SSBP4: variants seen among roughly 807,000 people sequenced by gnomAD.
SSBP4 encodes single stranded DNA binding protein 4.
Under a neutral mutation model 64.6 loss-of-function variants are expected in SSBP4, and 33 were observed. The ratio of observed to expected loss-of-function variants is 0.51; its 90% CI spans 0.39 to 0.68. SSBP4 has a LOEUF of 0.68. Among genes scored for constraint, SSBP4 ranks in the 30% least tolerant of loss-of-function variants. The pLI is 0.00. For synonymous variants in SSBP4, 243 were observed against 224.0 expected (o/e 1.08, Z -0.76); for missense variants, 583 against 566.8 (o/e 1.03, Z -0.29).
chr19:18,427,804 C>A lies in SSBP4; in HGVS notation c.185C>A (p.Ser62Tyr), dbSNP rs745755707. The A allele has an allele frequency of 6.2e-7, 1 of 1,609,902 alleles. No individual in the cohort carries two copies. The highest frequency in any genetic ancestry group is 1.1e-5 in the South Asian group (1 of 90,984). The change falls in exon 3 of 18, where the codon TCC becomes TAC. Residue 62 changes from serine (S) to tyrosine (Y), a missense_variant. Transcript: ENST00000270061. This position sits in a 1 kb window ranked among gnomAD's most constrained non-coding sequence, Gnocchi z 4.4. ...GGGGAGCCCCCTGGGTTCCTGCACT[C>A]CTGGTGGTGGTACGGGCTGGGCTGC... ...TLGEPPGFLH[S>Y]WWCVFWDLYC...
At chr19:18,402,741 A>G in the SSBP4 span, among the ~76,000 whole-genome samples, 9 of 152,106 alleles carry the variant, frequency 5.9e-5, no homozygotes, top group African/African-American at 2.2e-4. Flanking sequence ...TTCTCGAGTA[A>G]CCAGGGGCAC....
Position 18,423,710 on chromosome 19 carries a change from G to A in SSBP4, c.60-3641G>A, listed in dbSNP as rs1972621298. On this transcript the variant is annotated intron_variant, in intron 1 of 17. Coordinates refer to ENST00000270061, the MANE Select transcript of SSBP4 (RefSeq NM_032627.5). The surrounding 1 kb of genome is among the most constrained non-coding windows in gnomAD (Gnocchi z 4.0). ...CCTGCACAGCCTCATGCTCGCTCCA[G>A]GTCCAGGCGCCCCATGTCCTCCGAG... Among the ~76,000 whole-genome samples, 1 of 152,184 alleles carries A rather than the reference G, an allele frequency of 6.6e-6. No homozygotes were observed. Among genetic ancestry groups the A allele is most frequent in the African/African-American group, 2.4e-5 (1 of 41,444 alleles).
chr19:18,430,292 C>G (rs1973244666), intron 4 of SSBP4, among the ~76,000 whole-genome samples: 1 of 152,188 alleles, frequency 6.6e-6, no homozygotes. Flanking sequence ...GGTCCCCGGC[C>G]AGGTCTGGGC....
chr19:18,419,454 G>A lies in SSBP4; in HGVS notation c.-195G>A, dbSNP rs1453315709. ...GAGGAAAAAAAGCCACCCTGCGGCC[G>A]GGGCCGGAGCTGGAGCCGCCGCTGC... On this transcript the variant is annotated 5_prime_UTR_variant, in exon 1 of 18. Transcript: ENST00000270061. 29 of 1,063,328 alleles carry A rather than the reference G, an allele frequency of 2.7e-5. No individual in the cohort carries two copies. Among genetic ancestry groups the A allele is most frequent in the African/African-American group, 3.4e-5 (2 of 58,650 alleles). 65.9% of individuals were successfully genotyped at this position (1,063,328 alleles called of 1,614,324 possible).
Position 18,431,656 on chromosome 19 carries a change from T to A in SSBP4, c.445T>A (p.Ser149Thr). 1 of 1,551,550 alleles carries A rather than the reference T, an allele frequency of 6.4e-7. No individual in the cohort carries two copies. The highest frequency in any genetic ancestry group is 8.7e-7 in the Non-Finnish European group (1 of 1,148,080). The change falls in exon 7 of 18, where the codon TCA (serine) becomes ACA (threonine). Residue 149 changes from serine (S) to threonine (T), a missense_variant. Transcript: ENST00000270061. ...MMGPHGQPFM[S>T]PRFPGGPRPT... ...CGCCCACCTCTTCCAGCCCTTCATGTCACCGCGCTTCCCAGGGGGCCCCCG... is the reference window on the plus strand; with the variant it reads ...CGCCCACCTCTTCCAGCCCTTCATGACACCGCGCTTCCCAGGGGGCCCCCG...
intron 4 of SSBP4, 74 bp downstream of exon 4, chr19:18,428,056 T>TGGGGGGCGGGGGGGGGGGGGGGGGGGGG: frequency 2.7e-5 from 12 of 444,248 alleles, no homozygotes; most frequent in East Asian, 4.7e-5. Context: ...GGAGGTGGGG[T>TGGGGGGCGGGGGGGGGGGGGGGGGGGGG]GGGGGGCTGC....
At position 18,432,890 on chromosome 19, in the gene SSBP4, C is replaced by G; in HGVS notation, c.841+7C>G. 6.2e-7 allele frequency: 1 copy of G among 1,613,996 alleles called. No homozygotes were observed. The highest frequency in any genetic ancestry group is 8.5e-7 in the Non-Finnish European group (1 of 1,179,972). On this transcript the variant is annotated splice_region_variant and intron_variant, in intron 13 of 17. Transcript: ENST00000270061. ...ATCATGCCTAGCCCTGGAGGTATGG[C>G]CTAGTAAGAGGTGGGGGTGTGCTAG...
At chr19:18,417,985 C>T (rs1160257584), upstream of SSBP4, among the ~76,000 whole-genome samples, 7 of 152,278 alleles carry the variant, frequency 4.6e-5, no homozygotes, top group Admixed American at 2.0e-4. This position sits in a 1 kb window ranked among gnomAD's most constrained non-coding sequence, Gnocchi z 5.4. Flanking sequence ...AACACACACA[C>T]GAAACGTGAG....
intron 13 of SSBP4, 26 bp from the exon 14 acceptor site, chr19:18,432,947 C>G: frequency 2.5e-6 from 4 of 1,614,100 alleles, no homozygotes; most frequent in Admixed American, 1.7e-5. Context: ...CCCCGTCACA[C>G]CTGGCACCCT....
the SSBP4 span, among the ~76,000 whole-genome samples, chr19:18,408,106 A>G: frequency 6.6e-6 from 1 of 152,190 alleles, no homozygotes; most frequent in South Asian, 2.1e-4. Context: ...TGGGGAAATA[A>G]AACGTGGCAT....
rs202218305 is a variant in SSBP4 at position 18,434,240 on chromosome 19, C to T, written c.1152C>T (p.Ser384=). The T allele has an allele frequency of 1.9e-6, 3 of 1,611,756 alleles. No individual in the cohort carries two copies. The highest frequency in any genetic ancestry group is 2.2e-5 in the East Asian group (1 of 44,782). ...AGTACTCGCCAGGGATGACCATGAG[C>T]GTGTGATGGGGCGGCAGCCCCGGGC... The part of the protein sequence containing the change: ...SESYSPGMTM[S]V The change falls in exon 18 of 18, where the codon AGC becomes AGT. Residue 384 remains serine, a synonymous_variant. Coordinates refer to ENST00000270061, the MANE Select transcript of SSBP4 (RefSeq NM_032627.5).
the SSBP4 span, among the ~76,000 whole-genome samples, chr19:18,410,278 G>A: frequency 6.6e-6 from 1 of 151,900 alleles, no homozygotes; most frequent in Non-Finnish European, 1.5e-5. Flanking sequence ...TTACAGGCGT[G>A]AGCCACCCCG....
intron 4 of SSBP4, among the ~76,000 whole-genome samples, chr19:18,429,732 G>T (rs1216901426): frequency 6.6e-6 from 1 of 152,168 alleles, no homozygotes; most frequent in Non-Finnish European, 1.5e-5. Context: ...CAGGAGTAGG[G>T]CACGAGGGCT....
the SSBP4 span, among the ~76,000 whole-genome samples, chr19:18,411,147 A>G: frequency 6.6e-6 from 1 of 152,076 alleles, no homozygotes; most frequent in Non-Finnish European, 1.5e-5. Context: ...TCCTGCCCGC[A>G]TGGAGCTCAA....
chr19:18,418,428 G>C (rs1184148265), upstream of SSBP4, among the ~76,000 whole-genome samples: 1 of 152,198 alleles, frequency 6.6e-6, no homozygotes, highest in African/African-American at 2.4e-5. This position sits in a 1 kb window ranked among gnomAD's most constrained non-coding sequence, Gnocchi z 6.7. Context: ...CACCCCTGGT[G>C]GGGGGATGAA....
At chr19:18,434,106 G>A in intron 17 of SSBP4, 111 bp from the exon 18 acceptor site, 8 of 1,467,320 alleles carry the variant, frequency 5.5e-6, no homozygotes, top group Non-Finnish European at 7.2e-6. Context: ...CCCACCCCAT[G>A]TCTGCCCAGG....
In SSBP4 at chr19:18,431,661, G is replaced by A. The variant is rs750575992; in HGVS notation, c.450G>A (p.Pro150=). ...MGPHGQPFMS[P]RFPGGPRPTL... is the part of the protein sequence containing the mutation. ...ACCTCTTCCAGCCCTTCATGTCACC[G>A]CGCTTCCCAGGGGGCCCCCGGCCCA... is the stretch of plus-strand genomic sequence containing the variant. Residue 150 remains proline (P), a synonymous_variant, in exon 7 of 18, where the codon CCG becomes CCA. Transcript: ENST00000270061. 26 of 1,552,092 alleles carry A rather than the reference G, an allele frequency of 1.7e-5. No individual in the cohort carries two copies. The highest frequency in any genetic ancestry group is 2.2e-4 in the Middle Eastern group (1 of 4,646).
chr19:18,417,737 G>T (rs947159991), upstream of SSBP4, among the ~76,000 whole-genome samples: 1 of 152,128 alleles, frequency 6.6e-6, no homozygotes, highest in Non-Finnish European at 1.5e-5. This position sits in a 1 kb window ranked among gnomAD's most constrained non-coding sequence, Gnocchi z 5.4. Flanking sequence ...ACAGGAAGTG[G>T]GAAGGGCTGG....
chr19:18,417,500 C>T (rs1273973937), upstream of SSBP4, among the ~76,000 whole-genome samples: 1 of 152,188 alleles, frequency 6.6e-6, no homozygotes, highest in Non-Finnish European at 1.5e-5. The surrounding 1 kb of genome is among the most constrained non-coding windows in gnomAD (Gnocchi z 5.4). Flanking sequence ...TGAGCCACAC[C>T]CTCTCTGTGC....
Sources: allele counts gnomAD v4.1 joint callset (sites outside exome capture counted in the v4.1 genomes callset), GRCh38; gene constraint gnomAD v4.1.1; non-coding constraint Gnocchi (gnomAD v3.1); transcripts MANE v1.5; gene names NCBI Gene and HGNC (gene_info 2026-07-23, HGNC 2026-07-21).